SMYD3: variants seen among roughly 807,000 people sequenced by gnomAD.
SMYD3 encodes SET and MYND domain containing 3, also known as histone-lysine N-methyltransferase SMYD3.
Under a neutral mutation model 57.7 loss-of-function variants are expected in SMYD3, and 36 were observed. The ratio of observed to expected loss-of-function variants is 0.62; its 90% CI spans 0.48 to 0.82. SMYD3 has a LOEUF of 0.82. Among genes scored for constraint, SMYD3 ranks in the 40% least tolerant of loss-of-function variants. The probability of loss-of-function intolerance (pLI) is 0.00; values close to 1 mark genes in which losing one functional copy is unlikely to be tolerated. For missense variants in SMYD3, 515 were observed against 538.8 expected, an observed-to-expected ratio of 0.96 and a Z score of 0.44; for synonymous variants, 211 against 195.0, an observed-to-expected ratio of 1.08 and a Z score of -0.68.
chr1:246,449,578 C>A (rs1363652992), intron 1 of SMYD3, among the ~76,000 whole-genome samples: 6 of 152,110 alleles, frequency 3.9e-5, no homozygotes, highest in Non-Finnish European at 7.4e-5. Context: ...GAACGTGAGA[C>A]CTGTGTTTGG....
intron 5 of SMYD3, among the ~76,000 whole-genome samples, chr1:246,125,786 A>C (rs1310689727): frequency 1.3e-5 from 2 of 152,198 alleles, no homozygotes; most frequent in African/African-American, 4.8e-5. Flanking sequence ...AATATGGGCA[A>C]TATGGCTATG....
intron 5 of SMYD3, chr1:246,193,657 G>A (rs986972524): frequency 6.6e-6 from 1 of 152,270 alleles, no homozygotes; most frequent in Non-Finnish European, 1.5e-5. Context: ...AGAAAGGATG[G>A]AGAGGCCTTA....
intron 5 of SMYD3, among the ~76,000 whole-genome samples, chr1:245,979,972 A>G (rs1225396808): frequency 6.6e-6 from 1 of 152,244 alleles, no homozygotes; most frequent in Non-Finnish European, 1.5e-5. Context: ...TGCGTCAGAC[A>G]CCAGTCTAGT....
intron 5 of SMYD3, among the ~76,000 whole-genome samples, chr1:246,149,484 G>A (rs771805474): frequency 1.3e-5 from 2 of 152,108 alleles, no homozygotes; most frequent in Non-Finnish European, 2.9e-5. Flanking sequence ...TAGCAGAAGT[G>A]ATAATTTTTT....
chr1:246,085,803 A>C (rs1434463578), intron 5 of SMYD3, among the ~76,000 whole-genome samples: 1 of 152,136 alleles, frequency 6.6e-6, no homozygotes, highest in Non-Finnish European at 1.5e-5. Flanking sequence ...CAGCTACCCA[A>C]AATAAGTAGC....
intron 2 of SMYD3, among the ~76,000 whole-genome samples, chr1:246,351,839 T>TA (rs752608007): frequency 1.3e-5 from 2 of 152,086 alleles, no homozygotes; most frequent in Non-Finnish European, 2.9e-5. Flanking sequence ...TGCTTATGTT[T>TA]AAAAATGAAA....
At chr1:245,761,593 A>C (rs527597375) in intron 11 of SMYD3, among the ~76,000 whole-genome samples, 32 of 152,072 alleles carry the variant, frequency 2.1e-4, no homozygotes, top group Non-Finnish European at 4.1e-4. Flanking sequence ...TTTCTCTCCC[A>C]TATTTTTCCC....
chr1:245,904,206 G>T (rs1036543270), intron 8 of SMYD3, among the ~76,000 whole-genome samples: 1 of 152,084 alleles, frequency 6.6e-6, no homozygotes, highest in African/African-American at 2.4e-5. Context: ...TGAGACGGGG[G>T]TGAGTTCTCA....
At chr1:246,315,854 C>T (rs1169099497) in intron 5 of SMYD3, among the ~76,000 whole-genome samples, 4 of 152,172 alleles carry the variant, frequency 2.6e-5, no homozygotes, top group African/African-American at 9.7e-5. Flanking sequence ...AAGCCATCCC[C>T]AAACTCGCCT....
At chr1:245,765,613 G>T (rs2046054485) in intron 10 of SMYD3, among the ~76,000 whole-genome samples, 1 of 152,130 alleles carries the variant, frequency 6.6e-6, no homozygotes, top group Admixed American at 6.5e-5. Flanking sequence ...TGGTTGGACT[G>T]GGGAAGGCTT....
At chr1:245,995,598 C>T (rs2058913075) in intron 5 of SMYD3, among the ~76,000 whole-genome samples, 1 of 152,206 alleles carries the variant, frequency 6.6e-6, no homozygotes, top group Non-Finnish European at 1.5e-5. Flanking sequence ...TGCTCAGTGC[C>T]TCAGGGGAGG....
chr1:246,183,263 T>C (rs760022000), intron 5 of SMYD3, among the ~76,000 whole-genome samples: 4 of 152,084 alleles, frequency 2.6e-5, no homozygotes, highest in Non-Finnish European at 5.9e-5. Flanking sequence ...TCAATTAGAC[T>C]AACTTACAAA....
chr1:246,084,195 C>CTTTTTTTTTTTTTTTTTTTTT (rs772938424), intron 5 of SMYD3, among the ~76,000 whole-genome samples: 1 of 135,486 alleles, frequency 7.4e-6, no homozygotes, highest in Admixed American at 7.4e-5. Context: ...CTGACAATTC[C>CTTTTTTTTTTTTTTTTTTTTT]TTTTTTTTTT....
intron 5 of SMYD3, among the ~76,000 whole-genome samples, chr1:246,161,298 CAA>C (rs1172033995): frequency 1.4e-4 from 22 of 152,322 alleles, no homozygotes; most frequent in African/African-American, 5.3e-4. Flanking sequence ...GCGTGCACTT[CAA>C]ACTCACTGAG....
intron 10 of SMYD3, among the ~76,000 whole-genome samples, chr1:245,792,807 C>A: frequency 6.6e-6 from 1 of 152,220 alleles, no homozygotes; most frequent in Middle Eastern, 3.4e-3. Flanking sequence ...TGAGGGACGA[C>A]GTCGAAGTTC....
chr1:246,340,599 A>C (rs2065618162), intron 2 of SMYD3, among the ~76,000 whole-genome samples: 1 of 152,132 alleles, frequency 6.6e-6, no homozygotes, highest in East Asian at 1.9e-4. Context: ...GGAAATAGGC[A>C]TTTTCCAGCC....
intron 10 of SMYD3, among the ~76,000 whole-genome samples, chr1:245,845,995 A>G (rs953195162): frequency 4.6e-5 from 7 of 152,228 alleles, no homozygotes; most frequent in African/African-American, 1.4e-4. Context: ...GAGACCCACA[A>G]AGGCCAAAGC....
At chr1:245,916,360 C>T (rs2055421236) in intron 7 of SMYD3, among the ~76,000 whole-genome samples, 1 of 152,108 alleles carries the variant, frequency 6.6e-6, no homozygotes, top group African/African-American at 2.4e-5. Context: ...CATTAAGTCA[C>T]GGGTCTTTAG....
intron 5 of SMYD3, among the ~76,000 whole-genome samples, chr1:246,298,793 A>T (rs72776379): frequency 0.15 from 23,099 of 152,080 alleles, 2,257 homozygotes; most frequent in East Asian, 0.3. Context: ...GGCCTTAAAA[A>T]TTTCATGGGG....
Sources: gnomAD v4.1 joint callset for allele counts (sites outside exome capture counted in the v4.1 genomes callset) on GRCh38, gnomAD v4.1.1 for gene constraint, MANE v1.5 for transcripts, NCBI Gene and HGNC (gene_info 2026-07-23, HGNC 2026-07-21) for gene names.